ROBO1: variants seen among roughly 807,000 people sequenced by gnomAD.
The protein encoded by ROBO1 is roundabout guidance receptor 1.
ROBO1 carries 149 observed loss-of-function variants against 195.9 expected under a neutral mutation model. The ratio of observed to expected loss-of-function variants is 0.76; its 90% CI spans 0.67 to 0.87. ROBO1 has a LOEUF of 0.87. ROBO1 is among the 40% of genes least tolerant of loss of function. The pLI is 0.00. For missense variants in ROBO1, 1,933 were observed against 2,068.3 expected, an observed-to-expected ratio of 0.93 and a Z score of 1.27; for synonymous variants, 816 against 733.2, an observed-to-expected ratio of 1.11 and a Z score of -1.82.
chr3:78,605,871 A>C (rs563390275), intron 29 of ROBO1, among the ~76,000 whole-genome samples: 1 of 152,298 alleles, frequency 6.6e-6, no homozygotes, highest in Admixed American at 6.5e-5. Flanking sequence ...CTTACCTTTG[A>C]ACATTCAATT....
chr3:79,062,542 T>A (rs932040976), intron 3 of ROBO1, among the ~76,000 whole-genome samples: 3 of 152,104 alleles, frequency 2.0e-5, no homozygotes, highest in African/African-American at 7.2e-5. Context: ...TAAAGAGACA[T>A]TCACACATAT....
intron 8 of ROBO1, among the ~76,000 whole-genome samples, chr3:78,708,040 TAGAG>T (rs934778328): frequency 2.6e-5 from 4 of 152,300 alleles, no homozygotes; most frequent in Non-Finnish European, 4.4e-5. Context: ...ACTCTGGTGA[TAGAG>T]AGTCACAAAT....
intron 2 of ROBO1, among the ~76,000 whole-genome samples, chr3:79,557,735 CA>C (rs1361235757): frequency 2.8e-5 from 3 of 108,540 alleles, no homozygotes; most frequent in African/African-American, 4.3e-5. Flanking sequence ...TGTCTTAAAA[CA>C]AAAAAAAATA....
At chr3:79,356,443 G>T (rs370383881) in intron 2 of ROBO1, among the ~76,000 whole-genome samples, 3 of 152,206 alleles carry the variant, frequency 2.0e-5, no homozygotes, top group African/African-American at 7.2e-5. Flanking sequence ...CAGAGTTATA[G>T]TATTGTAAGG....
At chr3:79,029,872 GT>G (rs2078263045) in intron 3 of ROBO1, among the ~76,000 whole-genome samples, 1 of 152,122 alleles carries the variant, frequency 6.6e-6, no homozygotes, top group Non-Finnish European at 1.5e-5. Flanking sequence ...AATAATTGCT[GT>G]AAAAATATAT....
chr3:78,786,025 T>A (rs918796230), intron 4 of ROBO1, among the ~76,000 whole-genome samples: 5 of 152,202 alleles, frequency 3.3e-5, no homozygotes, highest in African/African-American at 1.2e-4. Flanking sequence ...ATCAAGAGTC[T>A]ATAAATTAAA....
At chr3:78,981,788 A>AC (rs2076997540) in intron 3 of ROBO1, among the ~76,000 whole-genome samples, 2 of 140,690 alleles carry the variant, frequency 1.4e-5, no homozygotes, top group African/African-American at 2.6e-5. Flanking sequence ...GGCCCCTGCC[A>AC]ACACACACAC....
intron 2 of ROBO1, among the ~76,000 whole-genome samples, chr3:79,280,566 C>T (rs2031427896): frequency 6.6e-6 from 1 of 152,004 alleles, no homozygotes; most frequent in Non-Finnish European, 1.5e-5. Flanking sequence ...TTTCTTGTAC[C>T]TTAACATTGT....
intron 2 of ROBO1, among the ~76,000 whole-genome samples, chr3:79,302,501 A>G (rs1210256150): frequency 6.6e-6 from 1 of 152,192 alleles, no homozygotes; most frequent in Non-Finnish European, 1.5e-5. Flanking sequence ...GTTATTTTAT[A>G]CATTCTGTGT....
chr3:79,608,418 G>A (rs113369157), intron 1 of ROBO1, among the ~76,000 whole-genome samples: 321 of 152,058 alleles, frequency 2.1e-3, no homozygotes, highest in African/African-American at 7.2e-3. Flanking sequence ...AGAGTCTCAA[G>A]TGAGCTGTGA....
chr3:79,124,062 G>A (rs887942735), intron 3 of ROBO1, among the ~76,000 whole-genome samples: 11 of 152,012 alleles, frequency 7.2e-5, no homozygotes, highest in Admixed American at 6.6e-4. Context: ...GGCAAATTAG[G>A]ATACCCCTGA....
intron 4 of ROBO1, among the ~76,000 whole-genome samples, chr3:78,877,666 C>A (rs530656095): frequency 3.3e-5 from 5 of 152,258 alleles, no homozygotes; most frequent in African/African-American, 1.2e-4. Flanking sequence ...ATCTCTCAGA[C>A]CATTCCTAAA....
In ROBO1 at chr3:78,890,538, G is replaced by A. The variant is rs193165020; in HGVS notation, c.499+48063C>T. On this transcript the variant is annotated intron_variant, in intron 4 of 30. Transcript: ENST00000464233. ...CCCAGTCTATGACAATTTGTTATAG[G>A]AGCCCAAACTGATCAGCACAAACTC... Among the ~76,000 whole-genome samples, 9 of 152,172 alleles carry A rather than the reference G, an allele frequency of 5.9e-5. 1 individual carries two copies. The East Asian group carries it at 1.7e-3, about 29-fold the overall frequency.
intron 18 of ROBO1, 97 bp from the exon 19 acceptor site, chr3:78,652,026 A>C: frequency 1.0e-6 from 1 of 983,498 alleles, no homozygotes; most frequent in Non-Finnish European, 1.5e-6. Context: ...TTTCTGGATA[A>C]TGATTTCTGT....
chr3:78,925,903 C>A (rs572988504), intron 4 of ROBO1, among the ~76,000 whole-genome samples: 1 of 151,808 alleles, frequency 6.6e-6, no homozygotes, highest in Non-Finnish European at 1.5e-5. Flanking sequence ...CAGAGTATCG[C>A]TCTGTTGCCC....
chr3:78,699,593 TTAA>T (rs566669166), intron 8 of ROBO1, among the ~76,000 whole-genome samples: 4 of 149,714 alleles, frequency 2.7e-5, no homozygotes, highest in South Asian at 2.1e-4. Flanking sequence ...AATAATAATA[TTAA>T]TAATAATAAT....
At chr3:79,519,628 C>CAAAAAAAAAA (rs71631657) in intron 2 of ROBO1, among the ~76,000 whole-genome samples, 22 of 64,668 alleles carry the variant, frequency 3.4e-4, no homozygotes, top group African/African-American at 5.1e-4. Flanking sequence ...GACTCCTGCT[C>CAAAAAAAAAA]AAAAAAAAAA....
intron 2 of ROBO1, among the ~76,000 whole-genome samples, chr3:79,438,025 C>T (rs965413026): frequency 1.3e-5 from 2 of 151,572 alleles, no homozygotes; most frequent in African/African-American, 2.4e-5. Context: ...TCTTTCCAAC[C>T]TTTAAAATGA....
At chr3:78,655,318 C>T (rs1706936114) in intron 18 of ROBO1, among the ~76,000 whole-genome samples, 1 of 152,110 alleles carries the variant, frequency 6.6e-6, no homozygotes, top group South Asian at 2.1e-4. Flanking sequence ...TAGCCAGTGA[C>T]TTAGTTTTGA....
Sources: gnomAD v4.1 joint callset for allele counts (sites outside exome capture counted in the v4.1 genomes callset) on GRCh38, gnomAD v4.1.1 for gene constraint, MANE v1.5 for transcripts, NCBI Gene and HGNC (gene_info 2026-07-23, HGNC 2026-07-21) for gene names.